The following CAPS2 variants were observed in gnomAD, a reference collection of about 807,000 sequenced individuals.
The protein encoded by CAPS2 is calcyphosine 2.
Under a neutral mutation model 86.5 loss-of-function variants are expected in CAPS2, and 98 were observed. The ratio of observed to expected loss-of-function variants is 1.13; its 90% CI spans 0.96 to 1.34. The LOEUF is 1.34. Among genes scored for constraint, CAPS2 ranks in the 40% most tolerant of loss-of-function variants. CAPS2 has a pLI of 0.00. For missense variants in CAPS2, 729 were observed against 686.8 expected, an observed-to-expected ratio of 1.06 and a Z score of -0.69; for synonymous variants, 210 against 225.1, an observed-to-expected ratio of 0.93 and a Z score of 0.60.
intron 1 of CAPS2, chr12:75,369,943 T>C (rs1339860446): frequency 5.0e-6 from 6 of 1,201,276 alleles, no homozygotes; most frequent in Non-Finnish European, 6.8e-6. Flanking sequence ...TAATATTAAC[T>C]TTAATTTTTA....
chr12:75,346,699 C>A (rs906489262), intron 1 of CAPS2, among the ~76,000 whole-genome samples: 3 of 152,090 alleles, frequency 2.0e-5, no homozygotes, highest in Non-Finnish European at 2.9e-5. Context: ...TGCACTTTTG[C>A]TGGTAAATAT....
At chr12:75,355,312 G>T (rs1593769890) in intron 1 of CAPS2, among the ~76,000 whole-genome samples, 1 of 152,296 alleles carries the variant, frequency 6.6e-6, no homozygotes, top group East Asian at 1.9e-4. Context: ...ATGGGCAAAA[G>T]ACATGAACAG....
downstream of CAPS2, chr12:75,276,007 A>C (rs570427212): frequency 5.3e-4 from 233 of 438,180 alleles, no homozygotes; most frequent in Non-Finnish European, 8.2e-4. Flanking sequence ...TTCTTTATTA[A>C]GTACATCCAA....
chr12:75,356,623 AGAAAG>A (rs2139514115), intron 1 of CAPS2, among the ~76,000 whole-genome samples: 1 of 152,298 alleles, frequency 6.6e-6, no homozygotes, highest in African/African-American at 2.4e-5. Context: ...AAAGGCAAAA[AGAAAG>A]GAAAAGGGAA....
chr12:75,370,360 TAA>T (rs1175334018), intron 1 of CAPS2: 4 of 469,618 alleles, frequency 8.5e-6, no homozygotes, highest in East Asian at 3.1e-5. Context: ...AGCAGTAGAA[TAA>T]AGTCTTAAGA....
At chr12:75,289,670 G>C (rs1281844668) in exon 14 of CAPS2, 1 of 1,613,116 alleles carries the variant, frequency 6.2e-7, no homozygotes, top group African/African-American at 1.3e-5. Context: ...CTTAAAATCT[G>C]CCTTATCTAA....
chr12:75,350,051 C>CT (rs953177555), intron 1 of CAPS2, among the ~76,000 whole-genome samples: 2 of 152,232 alleles, frequency 1.3e-5, no homozygotes, highest in Non-Finnish European at 2.9e-5. Flanking sequence ...TCCCCTGCTG[C>CT]TGGTGCCAGC....
intron 14 of CAPS2, among the ~76,000 whole-genome samples, chr12:75,289,236 C>T (rs1323960653): frequency 1.3e-5 from 2 of 152,172 alleles, no homozygotes; most frequent in Non-Finnish European, 2.9e-5. Flanking sequence ...GTATCCTCCT[C>T]CAGGCATCCT....
rs2040464583 is a variant in CAPS2 at position 75,323,238 on chromosome 12, T to A, written c.132-16A>T. 2 of 1,536,758 alleles carry A rather than the reference T, an allele frequency of 1.3e-6. No homozygotes were observed. Among genetic ancestry groups the A allele is most frequent in the African/African-American group, 2.8e-5 (2 of 72,478 alleles). On this transcript the variant is annotated splice_polypyrimidine_tract_variant and intron_variant, in intron 2 of 16. Transcript: ENST00000393284. ...TCGTGGGACCCTGAAAGACATAATC[T>A]ATGTATCCCGTAACTTTTTAACATG...
rs1351438859 is a variant in CAPS2 at position 75,282,367 on chromosome 12, T to G, written c.1516-20A>C. The G allele has an allele frequency of 6.9e-6, 10 of 1,454,302 alleles. No homozygotes were observed. The highest frequency in any genetic ancestry group is 8.7e-6 in the Non-Finnish European group (9 of 1,035,310). 90.1% of individuals were successfully genotyped at this position (1,454,302 alleles called of 1,614,324 possible). A position where few individuals can be genotyped will look rare whatever the true frequency, so the allele number is the denominator to read the frequency against. On this transcript the variant is annotated intron_variant, in intron 15 of 16. Transcript: ENST00000393284. ...AAAGGCCTAAACAGACAAATATTAT[T>G]ATTATTAGTTTGTTGGTTGGTTGTT...
chr12:75,330,930 G>A (rs749113474), upstream of CAPS2, among the ~76,000 whole-genome samples: 3 of 151,860 alleles, frequency 2.0e-5, no homozygotes, highest in African/African-American at 7.3e-5. Context: ...GATTACATGC[G>A]CCCACCACCA....
chr12:75,358,751 A>G (rs2043326238), intron 1 of CAPS2, among the ~76,000 whole-genome samples: 1 of 144,144 alleles, frequency 6.9e-6, no homozygotes, highest in Admixed American at 7.1e-5. Flanking sequence ...TTAAATATAT[A>G]TAATATATTA....
intron 1 of CAPS2, among the ~76,000 whole-genome samples, chr12:75,374,406 G>A (rs949891265): frequency 6.6e-6 from 1 of 152,158 alleles, no homozygotes; most frequent in Non-Finnish European, 1.5e-5. Context: ...GTGGCCAAAT[G>A]CAACAACTTA....
intron 1 of CAPS2, among the ~76,000 whole-genome samples, chr12:75,382,302 T>G (rs2045041127): frequency 6.6e-6 from 1 of 152,194 alleles, no homozygotes; most frequent in Non-Finnish European, 1.5e-5. Context: ...CTAGCTTTTA[T>G]CCAAATCAAA....
chr12:75,358,517 T>G (rs1021646960), intron 1 of CAPS2, among the ~76,000 whole-genome samples: 3 of 150,948 alleles, frequency 2.0e-5, no homozygotes, highest in African/African-American at 7.3e-5. Context: ...TGATGAAGGC[T>G]CCTAACAAGC....
intron 7 of CAPS2, 153 bp from the exon 8 acceptor site, chr12:75,305,029 T>C (rs191957227): frequency 7.3e-4 from 395 of 541,418 alleles, no homozygotes; most frequent in Admixed American, 3.4e-3. Flanking sequence ...TTAAAAAATA[T>C]TTTCCATAAG....
At chr12:75,345,401 G>T (rs541026161) in intron 1 of CAPS2, among the ~76,000 whole-genome samples, 3 of 151,898 alleles carry the variant, frequency 2.0e-5, no homozygotes, top group African/African-American at 7.3e-5. Flanking sequence ...CACCTTTTGG[G>T]CCATACTTTA....
intron 1 of CAPS2, among the ~76,000 whole-genome samples, chr12:75,335,531 C>A (rs928276891): frequency 2.0e-5 from 3 of 152,050 alleles, no homozygotes; most frequent in African/African-American, 4.8e-5. Flanking sequence ...TGAGCATAAA[C>A]GTTGATAGTA....
At chr12:75,336,203 A>C (rs142330457) in intron 1 of CAPS2, among the ~76,000 whole-genome samples, 1 of 152,086 alleles carries the variant, frequency 6.6e-6, no homozygotes, top group East Asian at 1.9e-4. Context: ...AACCATTAAA[A>C]ATATACAAAG....
Sources: allele counts gnomAD v4.1 joint callset (sites outside exome capture counted in the v4.1 genomes callset), GRCh38; gene constraint gnomAD v4.1.1; transcripts MANE v1.5; gene names NCBI Gene and HGNC (gene_info 2026-07-23, HGNC 2026-07-21).